GNB1: variants seen among roughly 807,000 people sequenced by gnomAD.
GNB1 encodes guanine nucleotide-binding protein G(I)/G(S)/G(T) subunit beta-1.
A neutral mutation model predicts 42.9 loss-of-function variants in GNB1; 2 were observed. The observed-to-expected ratio is 0.05, with a 90% CI of 0.02 to 0.15. GNB1 has a LOEUF of 0.15. Ranked by LOEUF, GNB1 falls within the 10% of genes least tolerant of loss-of-function variation. The pLI is 1.00. For missense variants in GNB1, 193 were observed against 462.2 expected, an observed-to-expected ratio of 0.42 and a Z score of 5.34; for synonymous variants, 183 against 174.7, an observed-to-expected ratio of 1.05 and a Z score of -0.38.
rs116467526 is a variant in GNB1 at position 1,808,608 on chromosome 1, T to A, written c.204-2070A>T. 8.4e-3 allele frequency among the ~76,000 whole-genome samples: 1,281 copies of A among 151,914 alleles called. 22 individuals carry two copies. Among genetic ancestry groups the A allele is most frequent in the African/African-American group, 0.03 (1,229 of 41,396 alleles). On this transcript the variant is annotated intron_variant, in intron 5 of 11. Transcript: ENST00000378609. ...AGTATAAGGATTTTTAATTTTAAAG[T>A]TTCTATCAAACGCAAGGTTTTTTGT...
At chr1:1,810,534 TCAAAAAAA>T (rs1646761088) in intron 5 of GNB1, among the ~76,000 whole-genome samples, 1 of 21,928 alleles carries the variant, frequency 4.6e-5, no homozygotes. Context: ...AGACCCAGTC[TCAAAAAAA>T]AAAAAAAAAA....
intron 2 of GNB1, among the ~76,000 whole-genome samples, chr1:1,833,915 C>G (rs1647110037): frequency 6.6e-6 from 1 of 152,092 alleles, no homozygotes; most frequent in Non-Finnish European, 1.5e-5. Flanking sequence ...AACTAGAAGA[C>G]AGGGAAACAT....
At chr1:1,889,184 T>C (rs914778832) in intron 1 of GNB1, among the ~76,000 whole-genome samples, 2 of 152,244 alleles carry the variant, frequency 1.3e-5, no homozygotes, top group African/African-American at 4.8e-5. Flanking sequence ...TTATTCAGTA[T>C]GCAGTTCACT....
intron 1 of GNB1, among the ~76,000 whole-genome samples, chr1:1,864,337 G>A (rs6697311): frequency 0.28 from 24,859 of 87,256 alleles, 4,596 homozygotes; most frequent in Non-Finnish European, 0.4. Context: ...AAAAAAAAAA[G>A]AAGAAAACCC....
chr1:1,864,314 C>CAAAAA (rs1173466617), intron 1 of GNB1, among the ~76,000 whole-genome samples: 5,272 of 37,818 alleles, frequency 0.14, 835 homozygotes, highest in Middle Eastern at 0.27. Flanking sequence ...AAGACTCTCT[C>CAAAAA]AAAAAAAAAA....
chr1:1,825,205 G>A (rs1421130094), intron 3 of GNB1, 192 bp downstream of exon 3: 2 of 579,870 alleles, frequency 3.4e-6, no homozygotes, highest in African/African-American at 1.9e-5. Flanking sequence ...ATTGTATACA[G>A]AAAGCAAAAT....
chr1:1,869,797 C>T (rs560524991), intron 1 of GNB1, among the ~76,000 whole-genome samples: 2 of 152,298 alleles, frequency 1.3e-5, no homozygotes, highest in South Asian at 2.1e-4. Flanking sequence ...GGACAACCTA[C>T]GCTAACACAC....
At chr1:1,812,234 A>G (rs545024839) in intron 5 of GNB1, among the ~76,000 whole-genome samples, 41 of 152,234 alleles carry the variant, frequency 2.7e-4, no homozygotes, top group African/African-American at 9.1e-4. Context: ...GCATTAGGAG[A>G]AATACCTATG....
chr1:1,817,878 G>T lies in GNB1; in HGVS notation c.58-3C>A. 2 of 1,608,790 alleles carry T rather than the reference G, an allele frequency of 1.2e-6. No homozygotes were observed. Among genetic ancestry groups the T allele is most frequent in the South Asian group, 1.1e-5 (1 of 90,982 alleles). ...TCTGCACATGCTTTCCTGGCGTCCT[G>T]GGAAGCAAGGACAGTGAGAAATTAG... is the stretch of plus-strand genomic sequence containing the variant. On this transcript the variant is annotated splice_polypyrimidine_tract_variant and splice_region_variant and intron_variant, in intron 3 of 11. Coordinates refer to ENST00000378609, the MANE Select transcript of GNB1 (RefSeq NM_002074.5).
intron 1 of GNB1, among the ~76,000 whole-genome samples, chr1:1,855,070 A>G (rs1648196642): frequency 6.6e-6 from 1 of 151,900 alleles, no homozygotes; most frequent in South Asian, 2.1e-4. Context: ...GAGGCAGGAG[A>G]ATCGCTTGAA....
intron 3 of GNB1, among the ~76,000 whole-genome samples, chr1:1,818,828 A>G (rs923627460): frequency 2.0e-5 from 3 of 152,186 alleles, no homozygotes; most frequent in African/African-American, 7.2e-5. Flanking sequence ...GCGCCACTGC[A>G]CTCCAGTCTG....
chr1:1,818,007 A>T (rs1177838763), intron 3 of GNB1, 132 bp from the exon 4 acceptor site: 1 of 687,522 alleles, frequency 1.5e-6, no homozygotes, highest in African/African-American at 1.7e-5. Flanking sequence ...AGAACGGCAG[A>T]GTCTCCTTGC....
At position 1,804,432 on chromosome 1, in the gene GNB1, C is replaced by G. The variant is rs1334748580; in HGVS notation, c.417G>C (p.Leu139=). ...REGNVRVSRE[L]AGHTGYLSCC... ...AAGGACAGGTACCTGTGTGTCCTGC[C>G]AGCTCACGACTCACGCGCACGTTCC... The change falls in exon 7 of 12, where the codon CTG becomes CTC. Residue 139 remains leucine, a synonymous_variant. Coordinates refer to ENST00000378609, the MANE Select transcript of GNB1 (RefSeq NM_002074.5). The G allele has an allele frequency of 1.9e-6, 3 of 1,613,206 alleles. No homozygotes were observed. The highest frequency in any genetic ancestry group is 3.3e-5 in the Admixed American group (2 of 59,982).
At chr1:1,811,828 G>A (rs1198084767) in intron 5 of GNB1, among the ~76,000 whole-genome samples, 1 of 152,046 alleles carries the variant, frequency 6.6e-6, no homozygotes, top group Non-Finnish European at 1.5e-5. Context: ...CACTTTGGGA[G>A]GCCGAGGTGG....
chr1:1,881,645 C>G (rs1478777910), intron 1 of GNB1, among the ~76,000 whole-genome samples: 1 of 152,156 alleles, frequency 6.6e-6, no homozygotes, highest in African/African-American at 2.4e-5. Context: ...AGTGATCCGC[C>G]CGCCCTGGCC....
chr1:1,840,689 A>G (rs1273224461), intron 1 of GNB1, among the ~76,000 whole-genome samples: 1 of 152,220 alleles, frequency 6.6e-6, no homozygotes, highest in Admixed American at 6.5e-5. Context: ...AGTCCTGGCA[A>G]GTCTATGTTG....
At chr1:1,856,017 T>C (rs1401729888) in intron 1 of GNB1, among the ~76,000 whole-genome samples, 2 of 152,316 alleles carry the variant, frequency 1.3e-5, no homozygotes, top group South Asian at 2.1e-4. Context: ...TTTTAATCAA[T>C]GGACTTTCTT....
At chr1:1,887,773 G>A (rs1423134896) in intron 1 of GNB1, among the ~76,000 whole-genome samples, 3 of 151,860 alleles carry the variant, frequency 2.0e-5, no homozygotes, top group Non-Finnish European at 4.4e-5. Flanking sequence ...CCACCACCAC[G>A]CCGGCTAATT....
intron 5 of GNB1, among the ~76,000 whole-genome samples, chr1:1,808,642 T>TTTTG (rs55730045): frequency 3.3e-5 from 5 of 151,260 alleles, no homozygotes; most frequent in South Asian, 2.1e-4. Flanking sequence ...GTTTGTTTGT[T>TTTTG]TTTGTTTGTT....
Sources: gnomAD v4.1 joint callset for allele counts (sites outside exome capture counted in the v4.1 genomes callset) on GRCh38, gnomAD v4.1.1 for gene constraint, MANE v1.5 for transcripts, NCBI Gene and HGNC (gene_info 2026-07-23, HGNC 2026-07-21) for gene names.